GRIA1: variants seen among roughly 807,000 people sequenced by gnomAD.
GRIA1 encodes glutamate ionotropic receptor AMPA type subunit 1, also known as glutamate receptor 1.
A neutral mutation model predicts 99.2 loss-of-function variants in GRIA1; 31 were observed. The ratio of observed to expected loss-of-function variants is 0.31; its 90% CI spans 0.23 to 0.42. The LOEUF is 0.42. GRIA1 is among the 10% of genes least tolerant of loss of function. The pLI is 1.00. For synonymous variants in GRIA1, 438 were observed against 432.4 expected (o/e 1.01, Z -0.16); for missense variants, 782 against 1,157.5 (o/e 0.68, Z 4.71).
chr5:153,543,880 T>A (rs1038604587), intron 2 of GRIA1, among the ~76,000 whole-genome samples: 1 of 151,778 alleles, frequency 6.6e-6, no homozygotes, highest in Non-Finnish European at 1.5e-5. Flanking sequence ...GAGCTTTCAG[T>A]CGAGTCTAGT....
rs191022841 is a variant in GRIA1 at position 153,644,440 on chromosome 5, T to G, written c.221-2488T>G. 9.9e-5 allele frequency among the ~76,000 whole-genome samples: 15 copies of G among 152,282 alleles called. No homozygotes were observed. The East Asian group carries it at 2.5e-3, about 26-fold the overall frequency. On this transcript the variant is annotated intron_variant, in intron 2 of 15. Transcript: ENST00000285900. ...ATCTCTGTTTGGGTTCAGCTCCTCC[T>G]CAGCCCCTGCTGCAGGTCATATGCC...
At chr5:153,572,179 G>A (rs957884235) in intron 2 of GRIA1, among the ~76,000 whole-genome samples, 2 of 152,142 alleles carry the variant, frequency 1.3e-5, no homozygotes, top group African/African-American at 4.8e-5. Context: ...CACACTTGGG[G>A]TATGAGGTTT....
intron 11 of GRIA1, among the ~76,000 whole-genome samples, chr5:153,757,588 G>T (rs573471172): frequency 1.3e-5 from 2 of 152,148 alleles, no homozygotes; most frequent in East Asian, 3.8e-4. Flanking sequence ...AACACACCTG[G>T]CAACAGACTT....
intron 11 of GRIA1, among the ~76,000 whole-genome samples, chr5:153,729,019 G>T (rs370494182): frequency 4.2e-5 from 6 of 143,214 alleles, no homozygotes; most frequent in South Asian, 2.6e-4. Flanking sequence ...ATTAAGAAAA[G>T]GTGGCACATA....
chr5:153,667,591 G>A (rs1394132505), intron 5 of GRIA1, among the ~76,000 whole-genome samples: 1 of 152,196 alleles, frequency 6.6e-6, no homozygotes, highest in Non-Finnish European at 1.5e-5. Flanking sequence ...ATGGTACTAA[G>A]TGCTTAGTTT....
At chr5:153,614,025 A>T (rs146949564) in intron 2 of GRIA1, among the ~76,000 whole-genome samples, 1,576 of 152,178 alleles carry the variant, frequency 0.01, 26 homozygotes, top group African/African-American at 0.036. Context: ...GGGCCTTCAC[A>T]CCTGCTTCTC....
intron 13 of GRIA1, among the ~76,000 whole-genome samples, chr5:153,781,118 C>G (rs1008835889): frequency 6.6e-6 from 1 of 152,128 alleles, no homozygotes; most frequent in African/African-American, 2.4e-5. Flanking sequence ...ACAATCATAT[C>G]TAATCAGCCT....
intron 11 of GRIA1, among the ~76,000 whole-genome samples, chr5:153,718,055 G>A (rs1759790219): frequency 6.6e-6 from 1 of 152,042 alleles, no homozygotes; most frequent in Non-Finnish European, 1.5e-5. Flanking sequence ...CAAGAAAGGA[G>A]TCATCACTCC....
chr5:153,725,269 A>T (rs1760427855), intron 11 of GRIA1, among the ~76,000 whole-genome samples: 1 of 151,728 alleles, frequency 6.6e-6, no homozygotes, highest in Non-Finnish European at 1.5e-5. Context: ...GAAAGGAACA[A>T]CCAGTACCAG....
intron 2 of GRIA1, among the ~76,000 whole-genome samples, chr5:153,599,230 C>G (rs1764682257): frequency 6.6e-6 from 1 of 152,154 alleles, no homozygotes; most frequent in Admixed American, 6.5e-5. Flanking sequence ...TGATTGAAGT[C>G]CATTGCTAAT....
At chr5:153,783,319 C>G (rs937063933) in intron 13 of GRIA1, among the ~76,000 whole-genome samples, 3 of 152,182 alleles carry the variant, frequency 2.0e-5, no homozygotes, top group Non-Finnish European at 4.4e-5. Context: ...TTCATTCCCT[C>G]TGTTATCTTT....
intron 2 of GRIA1, among the ~76,000 whole-genome samples, chr5:153,565,250 T>C (rs1761512197): frequency 6.6e-6 from 1 of 152,224 alleles, no homozygotes. Context: ...GGTATTCTTA[T>C]CACATTATCT....
chr5:153,637,126 T>C (rs965993981), intron 2 of GRIA1, among the ~76,000 whole-genome samples: 9 of 152,202 alleles, frequency 5.9e-5, no homozygotes, highest in African/African-American at 2.2e-4. Flanking sequence ...AAACACTCAA[T>C]AGGTGATATA....
intron 2 of GRIA1, among the ~76,000 whole-genome samples, chr5:153,542,552 A>G (rs1238719470): frequency 6.6e-6 from 1 of 152,242 alleles, no homozygotes; most frequent in Non-Finnish European, 1.5e-5. Context: ...CTTTACTAAG[A>G]GTAAGTGTTT....
At chr5:153,547,175 AT>A (rs146737321) in intron 2 of GRIA1, among the ~76,000 whole-genome samples, 9,658 of 150,008 alleles carry the variant, frequency 0.064, 872 homozygotes, top group African/African-American at 0.2. Context: ...TTTTTGTGTG[AT>A]TTTTTTTTTA....
intron 2 of GRIA1, among the ~76,000 whole-genome samples, chr5:153,612,679 C>G (rs1766097745): frequency 6.6e-6 from 1 of 152,166 alleles, no homozygotes; most frequent in Non-Finnish European, 1.5e-5. Flanking sequence ...ATTTCCTTAT[C>G]AGAAAAGAAC....
chr5:153,735,282 C>T (rs1761305096), intron 11 of GRIA1, among the ~76,000 whole-genome samples: 1 of 152,150 alleles, frequency 6.6e-6, no homozygotes, highest in Non-Finnish European at 1.5e-5. Flanking sequence ...CGGCCGTGAG[C>T]GTCAGCAAGA....
chr5:153,588,538 TG>T (rs1284101305), intron 2 of GRIA1, among the ~76,000 whole-genome samples: 3 of 152,254 alleles, frequency 2.0e-5, no homozygotes, highest in Non-Finnish European at 4.4e-5. Context: ...GAAGGAGCTT[TG>T]GAGTCAAATA....
chr5:153,494,170 C>A (rs576484518), intron 2 of GRIA1, 105 bp downstream of exon 2: 8 of 1,255,032 alleles, frequency 6.4e-6, no homozygotes, highest in East Asian at 4.7e-5. Context: ...AGTTGCCATT[C>A]GTCTTTGTAA....
Sources: allele counts gnomAD v4.1 joint callset (sites outside exome capture counted in the v4.1 genomes callset), GRCh38; gene constraint gnomAD v4.1.1; transcripts MANE v1.5; gene names NCBI Gene and HGNC (gene_info 2026-07-23, HGNC 2026-07-21).